The following NUP88 variants were observed in gnomAD, a reference collection of about 807,000 sequenced individuals.
NUP88 encodes the protein nucleoporin 88.
NUP88 carries 57 observed loss-of-function variants against 93.9 expected under a neutral mutation model. The observed-to-expected ratio is 0.61, with a 90% confidence interval of 0.49 to 0.76. The LOEUF is 0.76. Ranked by LOEUF, NUP88 falls within the 30% of genes least tolerant of loss-of-function variation. The pLI, the probability that NUP88 is intolerant of heterozygous loss-of-function variation, is 0.00. For missense variants in NUP88, 911 were observed against 901.0 expected (o/e 1.01, Z -0.14); for synonymous variants, 346 against 336.8 (o/e 1.03, Z -0.30).
intron 9 of NUP88, among the ~76,000 whole-genome samples, chr17:5,392,181 G>C (rs576818315): frequency 2.7e-3 from 414 of 152,262 alleles, no homozygotes; most frequent in African/African-American, 9.6e-3. Context: ...TGCTCTCCTA[G>C]CGGCTCCCAT....
Position 5,408,032 on chromosome 17 carries a change from T to C in NUP88, c.857+701A>G, listed in dbSNP as rs1806251. 9.2e-5 allele frequency among the ~76,000 whole-genome samples: 14 copies of C among 152,348 alleles called. No homozygotes were observed. The South Asian group carries it at 2.7e-3, about 29-fold the overall frequency. ...CCACACTCACTCTTTTAACGAGGTA[T>C]TTTTAATTCCAGCAAATTTTCTCGG... On this transcript the variant is annotated intron_variant, in intron 5 of 16. Transcript: ENST00000573584.
At chr17:5,402,979 GATC>G (rs981725447) in intron 7 of NUP88, among the ~76,000 whole-genome samples, 4 of 152,144 alleles carry the variant, frequency 2.6e-5, no homozygotes, top group Non-Finnish European at 2.9e-5. Context: ...GACACAGTGA[GATC>G]ATATCACACA....
intron 5 of NUP88, among the ~76,000 whole-genome samples, chr17:5,406,191 A>G (rs528782567): frequency 6.6e-6 from 1 of 152,388 alleles, no homozygotes; most frequent in Admixed American, 6.5e-5. Flanking sequence ...AAAGATACAA[A>G]GATAATGAAG....
chr17:5,419,207 T>G (rs1175707172), intron 1 of NUP88, 147 bp downstream of exon 1: 10 of 879,646 alleles, frequency 1.1e-5, no homozygotes, highest in Non-Finnish European at 1.5e-5. Flanking sequence ...CGAGAGAGCC[T>G]GAGTCCCCGC....
intron 1 of NUP88, among the ~76,000 whole-genome samples, chr17:5,417,097 A>G (rs756654889): frequency 2.5e-4 from 38 of 152,080 alleles, no homozygotes; most frequent in Admixed American, 1.4e-3. Flanking sequence ...TTGGCCTCCT[A>G]AAGTGCTGAT....
chr17:5,409,128 A>G (rs1035373468), intron 4 of NUP88, among the ~76,000 whole-genome samples: 2 of 152,100 alleles, frequency 1.3e-5, no homozygotes, highest in Non-Finnish European at 2.9e-5. Context: ...AATCCCAGCA[A>G]TTTGGGAGGC....
At chr17:5,416,158 A>AGTATATATATATAT (rs1398677145) in intron 2 of NUP88, among the ~76,000 whole-genome samples, 320 of 93,492 alleles carry the variant, frequency 3.4e-3, no homozygotes, top group Middle Eastern at 6.0e-3. Flanking sequence ...AAAAAAAAAA[A>AGTATATATATATAT]AAAAAAAAGT....
chr17:5,388,677 C>T (rs375538124), intron 11 of NUP88, 125 bp downstream of exon 11: 18 of 828,780 alleles, frequency 2.2e-5, no homozygotes, highest in African/African-American at 1.9e-4. Flanking sequence ...TCAAATATAT[C>T]CAGTTTCTTC....
At chr17:5,411,498 A>G (rs1913838192) in intron 3 of NUP88, among the ~76,000 whole-genome samples, 1 of 146,934 alleles carries the variant, frequency 6.8e-6, no homozygotes, top group African/African-American at 2.5e-5. Context: ...TGGGAGGTGG[A>G]GGTTGCGGTG....
chr17:5,386,911 T>C, intron 15 of NUP88, 73 bp downstream of exon 15: 1 of 1,595,092 alleles, frequency 6.3e-7, no homozygotes, highest in Non-Finnish European at 8.6e-7. Flanking sequence ...TTTTTACATT[T>C]TTGTAAAATT....
intron 4 of NUP88, 126 bp downstream of exon 4, chr17:5,410,577 A>G: frequency 1.5e-6 from 1 of 645,390 alleles, no homozygotes. Context: ...CTAAAAATAC[A>G]CTTACTTCTC....
intron 1 of NUP88, among the ~76,000 whole-genome samples, chr17:5,417,595 T>C (rs1324149389): frequency 1.3e-5 from 2 of 152,242 alleles, no homozygotes; most frequent in Non-Finnish European, 2.9e-5. Context: ...TGCCAGCACT[T>C]TGGGAGGCCA....
Position 5,408,942 on chromosome 17 carries a change from A to G in NUP88, c.681-33T>C, listed in dbSNP as rs187018171. ...GAGATGTAAAAACCAACTTGTTAAA[A>G]ACAAAAACAACAAAAAGTAAAAAGA... is the stretch of plus-strand genomic sequence containing the variant. On this transcript the variant is annotated intron_variant, in intron 4 of 16. Coordinates refer to ENST00000573584, the MANE Select transcript of NUP88 (RefSeq NM_002532.6). The G allele has an allele frequency of 3.1e-4, 455 of 1,489,476 alleles. 1 individual carries two copies. The African/African-American group carries it at 4.0e-3, about 13-fold the overall frequency. 92.3% of individuals were successfully genotyped at this position (1,489,476 alleles called of 1,614,324 possible).
Position 5,419,343 on chromosome 17 carries a change from C to T in NUP88, c.297+11G>A, listed in dbSNP as rs201003161. On this transcript the variant is annotated intron_variant, in intron 1 of 16. Coordinates refer to ENST00000573584, the MANE Select transcript of NUP88 (RefSeq NM_002532.6). ...CGGTGAGGGTCACTTCCAAGATCGGCCTGGCATTACCTGGTACTGGGACAG... is the reference window on the plus strand; with the variant it reads ...CGGTGAGGGTCACTTCCAAGATCGGTCTGGCATTACCTGGTACTGGGACAG... The T allele has an allele frequency of 8.1e-4, 1,258 of 1,547,674 alleles. 4 individuals are homozygous for T. Among genetic ancestry groups the T allele is most frequent in the Admixed American group, 1.1e-3 (52 of 47,012 alleles).
At chr17:5,391,748 C>A in intron 9 of NUP88, 86 bp from the exon 10 acceptor site, 1 of 1,084,332 alleles carries the variant, frequency 9.2e-7, no homozygotes, top group South Asian at 1.3e-5. Context: ...GCGGCCTTCT[C>A]AGGCCTGGGC....
At chr17:5,417,576 C>T (rs1266981332) in intron 1 of NUP88, among the ~76,000 whole-genome samples, 4 of 152,260 alleles carry the variant, frequency 2.6e-5, no homozygotes, top group South Asian at 2.1e-4. Flanking sequence ...CCATGGCTCA[C>T]GGCTGAAATG....
chr17:5,416,854 CAG>C (rs1415790480), intron 1 of NUP88, among the ~76,000 whole-genome samples, 172 bp from the exon 2 acceptor site: 5 of 138,198 alleles, frequency 3.6e-5, no homozygotes, highest in African/African-American at 8.3e-5. Context: ...TTTTTTGAGA[CAG>C]AGTCTTGCTG....
chr17:5,392,669 T>C (rs1912514849), intron 9 of NUP88, among the ~76,000 whole-genome samples: 1 of 152,234 alleles, frequency 6.6e-6, no homozygotes, highest in East Asian at 1.9e-4. Context: ...CCCAGAGAAG[T>C]AGCCGCTACT....
chr17:5,415,131 T>G (rs1914063581), intron 2 of NUP88, among the ~76,000 whole-genome samples: 2 of 151,984 alleles, frequency 1.3e-5, no homozygotes, highest in Admixed American at 1.3e-4. Context: ...TCAATACTTG[T>G]GCCTTAACCT....
Sources: allele counts gnomAD v4.1 joint callset (sites outside exome capture counted in the v4.1 genomes callset), GRCh38; gene constraint gnomAD v4.1.1; transcripts MANE v1.5; gene names NCBI Gene and HGNC (gene_info 2026-07-23, HGNC 2026-07-21).